ABCC9: variants seen among roughly 807,000 people sequenced by gnomAD.
The protein encoded by ABCC9 is ATP-binding cassette sub-family C member 9.
A neutral mutation model predicts 188.3 loss-of-function variants in ABCC9; 95 were observed. The observed-to-expected ratio is 0.50, with a 90% CI of 0.43 to 0.60. The LOEUF is 0.60. Ranked by LOEUF, ABCC9 falls within the 20% of genes least tolerant of loss-of-function variation. The pLI, the probability that ABCC9 is intolerant of heterozygous loss-of-function variation, is 0.00. For synonymous variants in ABCC9, 659 were observed against 652.7 expected, an observed-to-expected ratio of 1.01 and a Z score of -0.15; for missense variants, 1,102 against 1,876.3, an observed-to-expected ratio of 0.59 and a Z score of 7.62.
In ABCC9 at chr12:21,852,088, A is replaced by G; in HGVS notation, c.2769+9T>C. The G allele has an allele frequency of 6.2e-7, 1 of 1,613,548 alleles. No individual in the cohort carries two copies. The highest frequency in any genetic ancestry group is 8.5e-7 in the Non-Finnish European group (1 of 1,179,798). ...GGGCTCTGAACTCTTCTGAACTATGAGCACTTACCTTTTCTAATTCTTGAT... is the reference window on the plus strand; with the variant it reads ...GGGCTCTGAACTCTTCTGAACTATGGGCACTTACCTTTTCTAATTCTTGAT... On this transcript the variant is annotated intron_variant, in intron 24 of 39. Transcript: ENST00000261200.
At chr12:21,932,152 A>G (rs1411765548) in intron 4 of ABCC9, among the ~76,000 whole-genome samples, 1 of 152,146 alleles carries the variant, frequency 6.6e-6, no homozygotes, top group Non-Finnish European at 1.5e-5. Context: ...AAATTTACCT[A>G]TTCTTGAGTT....
chr12:21,930,590 T>C (rs757772255), intron 4 of ABCC9, among the ~76,000 whole-genome samples: 12 of 152,072 alleles, frequency 7.9e-5, no homozygotes, highest in Non-Finnish European at 1.5e-4. Flanking sequence ...AGCAGAAAGG[T>C]GGAATAGGAC....
At position 21,910,332 on chromosome 12, in the gene ABCC9, G is replaced by T. The variant is rs776132916; in HGVS notation, c.1165-20C>A. The T allele has an allele frequency of 4.0e-6, 6 of 1,517,026 alleles. No individual in the cohort carries two copies. The Admixed American group carries it at 1.1e-4, about 29-fold the overall frequency. The allele number at this position is 1,517,026 out of a possible 1,614,324, so 94.0% of individuals were successfully genotyped here. On this transcript the variant is annotated intron_variant, in intron 9 of 39. Coordinates refer to ENST00000261200, the MANE Select transcript of ABCC9 (RefSeq NM_020297.4). ...CATGGCCTACCAAAAAAAAAAAAAA[G>T]AGTACATAAAGCTCTAAACTTAAAA...
chr12:21,860,088 CT>C (rs558190408), intron 21 of ABCC9, among the ~76,000 whole-genome samples: 1 of 94,066 alleles, frequency 1.1e-5, no homozygotes, highest in African/African-American at 4.8e-5. Context: ...ACCACTTACA[CT>C]TTAAAAAAAA....
rs1208774656 is a variant in ABCC9, at chr12:21,939,861, T to TA, written c.-21+848dup. On this transcript the variant is annotated intron_variant, in intron 2 of 39. Coordinates refer to ENST00000261200, the MANE Select transcript of ABCC9 (RefSeq NM_020297.4). ...TAGAAATACTCCTAATTATCTAACT[T>TA]ACGATTTCATGGCAAGAATCGCACC... Among the ~76,000 whole-genome samples, 4 of 152,194 alleles carry TA rather than the reference T, an allele frequency of 2.6e-5. No homozygotes were observed. The East Asian group carries it at 7.7e-4, about 29-fold the overall frequency.
intron 7 of ABCC9, among the ~76,000 whole-genome samples, 154 bp downstream of exon 7, chr12:21,915,514 A>ATATATATTTTTTTTTTT: frequency 5.7e-4 from 2 of 3,522 alleles, no homozygotes; most frequent in Non-Finnish European, 4.7e-4. Flanking sequence ...ATATATATAT[A>ATATATATTTTTTTTTTT]TTTTTTTTTT....
rs1306268495 is a variant in ABCC9 at position 21,797,888 on chromosome 12, CTAAT to C, written c.*3152_*3155del. ...AGTTATGATTTAAAAATTGATTTGA[CTAAT>C]TAAATATAAAATTTATAAATGTAAA... On this transcript the variant is annotated 3_prime_UTR_variant, in exon 40 of 40. Transcript: ENST00000261200. 3 of 152,036 alleles carry C rather than the reference CTAAT, an allele frequency of 2.0e-5. No individual in the cohort carries two copies. Among genetic ancestry groups the C allele is most frequent in the East Asian group, 1.9e-4 (1 of 5,200 alleles). The allele number at this position is 152,036 out of a possible 1,614,324, so 9.4% of individuals were successfully genotyped here. A position where few individuals can be genotyped will look rare whatever the true frequency, so the allele number is the denominator to read the frequency against.
intron 22 of ABCC9, among the ~76,000 whole-genome samples, chr12:21,856,697 T>C (rs1382791137): frequency 2.6e-5 from 4 of 152,000 alleles, no homozygotes; most frequent in South Asian, 2.1e-4. Context: ...ACAGATGGCA[T>C]TGGGGATGTT....
At chr12:21,883,823 G>A (rs970543220) in intron 15 of ABCC9, among the ~76,000 whole-genome samples, 8 of 151,844 alleles carry the variant, frequency 5.3e-5, no homozygotes, top group African/African-American at 1.9e-4. Flanking sequence ...CCTATTCCTA[G>A]TCAATGGACT....
At position 21,872,968 on chromosome 12, in the gene ABCC9, A is replaced by G. The variant is rs829067; in HGVS notation, c.2093-238T>C. ...TGAAAATAGCTGATAGCAGTAAAGA[A>G]AGTAATGAAATAATTGCCTAGATTA... On this transcript the variant is annotated intron_variant, in intron 17 of 39. Coordinates refer to ENST00000261200, the MANE Select transcript of ABCC9 (RefSeq NM_020297.4). Among the ~76,000 whole-genome samples, 151,343 of 151,696 alleles carry G rather than the reference A, an allele frequency of 1. 75,496 individuals carry two copies. Among genetic ancestry groups the G allele is most frequent in the Middle Eastern group, 1 (292 of 292 alleles).
intron 24 of ABCC9, among the ~76,000 whole-genome samples, chr12:21,849,013 TAGTATC>T (rs1342742060): frequency 2.6e-5 from 4 of 152,156 alleles, no homozygotes; most frequent in Non-Finnish European, 5.9e-5. Flanking sequence ...ACTGCAGTAG[TAGTATC>T]AGTTCAGTTA....
At chr12:21,823,964 T>G (rs1943203326) in intron 31 of ABCC9, among the ~76,000 whole-genome samples, 1 of 152,250 alleles carries the variant, frequency 6.6e-6, no homozygotes, top group South Asian at 2.1e-4. Flanking sequence ...GAGTGTGTTA[T>G]GGCCTTTATT....
chr12:21,835,200 G>T (rs1166207201), intron 30 of ABCC9, among the ~76,000 whole-genome samples: 1 of 152,186 alleles, frequency 6.6e-6, no homozygotes, highest in African/African-American at 2.4e-5. Flanking sequence ...GAGCCATGGA[G>T]ATATTAACAG....
chr12:21,936,668 G>C lies in ABCC9; in HGVS notation c.7C>G (p.Leu3Val), dbSNP rs976596252. The C allele has an allele frequency of 1.2e-6, 2 of 1,608,990 alleles. No individual in the cohort carries two copies. Among genetic ancestry groups the C allele is most frequent in the Non-Finnish European group, 1.7e-6 (2 of 1,175,690 alleles). Residue 3 changes from leucine (L) to valine (V), a missense_variant, in exon 3 of 40, where the codon CTT becomes GTT. Leu to Val is a conservative substitution (Grantham distance 32, BLOSUM62 1). Around this residue, in one of 12 missense-constraint regions of ABCC9, gnomAD observed 305 missense variants for 573.0 expected, o/e 0.53. Coordinates refer to ENST00000261200, the MANE Select transcript of ABCC9 (RefSeq NM_020297.4). MSLSFCGNNISSY... is the reference protein window; with the variant it reads MSVSFCGNNISSY... ...GAAATGTTGTTACCACAAAATGAAA[G>C]GCTCATTTCTTCTTATATGGTTTAC...
chr12:21,856,755 G>T (rs772935375), intron 22 of ABCC9, among the ~76,000 whole-genome samples: 14 of 152,028 alleles, frequency 9.2e-5, no homozygotes, highest in Non-Finnish European at 1.9e-4. Flanking sequence ...AGGGAGGGAG[G>T]AATAAAGAAA....
At chr12:21,805,481 T>TA (rs1441215625) in intron 39 of ABCC9, among the ~76,000 whole-genome samples, 1 of 152,154 alleles carries the variant, frequency 6.6e-6, no homozygotes, top group Non-Finnish European at 1.5e-5. Flanking sequence ...TAACGTGAAT[T>TA]ACAAATATTT....
At chr12:21,903,545 C>T (rs993097464) in intron 12 of ABCC9, among the ~76,000 whole-genome samples, 1 of 152,140 alleles carries the variant, frequency 6.6e-6, no homozygotes, top group Non-Finnish European at 1.5e-5. Context: ...TGTCTCAGCC[C>T]CAAATCTCCT....
chr12:21,824,865 A>G (rs1943272802), intron 31 of ABCC9, among the ~76,000 whole-genome samples: 1 of 151,974 alleles, frequency 6.6e-6, no homozygotes, highest in African/African-American at 2.4e-5. Context: ...TATTGCATGT[A>G]TTTGATTCTT....
At chr12:21,848,990 C>T (rs936350119) in intron 24 of ABCC9, among the ~76,000 whole-genome samples, 1 of 152,250 alleles carries the variant, frequency 6.6e-6, no homozygotes, top group Admixed American at 6.5e-5. Flanking sequence ...ACACCAGCTC[C>T]CCTGACCTCA....
Sources: allele counts gnomAD v4.1 joint callset (sites outside exome capture counted in the v4.1 genomes callset), GRCh38; gene constraint gnomAD v4.1.1; regional missense constraint gnomAD v4.1.1; transcripts MANE v1.5; gene names NCBI Gene and HGNC (gene_info 2026-07-23, HGNC 2026-07-21).